Variants in HS6ST2 observed in about 807,000 individuals in gnomAD.
HS6ST2 encodes the protein heparan-sulfate 6-O-sulfotransferase 2.
In HS6ST2, 17 loss-of-function variants were observed where a neutral mutation model predicts 33.0. That is an observed-to-expected ratio of 0.52 (90% CI 0.35 to 0.77). HS6ST2 has a LOEUF of 0.77. HS6ST2 is among the 30% of genes least tolerant of loss of function. The pLI is 0.01. For missense variants in HS6ST2, 519 were observed against 551.7 expected (o/e 0.94, Z 0.59); for synonymous variants, 248 against 237.1 (o/e 1.05, Z -0.42).
chrX:132,828,099 G>A (rs2065542465), intron 2 of HS6ST2, among the ~76,000 whole-genome samples: 1 of 111,169 alleles, frequency 9.0e-6, no homozygotes, highest in African/African-American at 3.3e-5. Context: ...ACTTGCCATG[G>A]CAAAGTATTG....
At chrX:132,753,809 G>C (rs990037705) in intron 2 of HS6ST2, among the ~76,000 whole-genome samples, 11 of 111,643 alleles carry the variant, frequency 9.9e-5, no homozygotes, top group Non-Finnish European at 2.1e-4. Flanking sequence ...AAAATTTAAG[G>C]GGGCACCAAA....
At chrX:132,773,834 T>A (rs2064930452) in intron 2 of HS6ST2, among the ~76,000 whole-genome samples, 1 of 111,060 alleles carries the variant, frequency 9.0e-6, no homozygotes, top group Admixed American at 9.6e-5. Context: ...GAAAAGGAAA[T>A]GTGGAGTGCC....
At chrX:132,960,367 G>T (rs764828661), upstream of HS6ST2, among the ~76,000 whole-genome samples, 1 of 110,565 alleles carries the variant, frequency 9.0e-6, no homozygotes, top group Non-Finnish European at 1.9e-5. Flanking sequence ...TCATGGTGTC[G>T]CATAAAGATT....
intron 2 of HS6ST2, among the ~76,000 whole-genome samples, chrX:132,715,659 C>T (rs144158705): frequency 0.033 from 3,647 of 111,541 alleles, 91 homozygotes; most frequent in African/African-American, 0.086. Flanking sequence ...ACCCTGTGTC[C>T]ATCAGAGCCT....
At chrX:132,669,263 A>C (rs899607980) in intron 3 of HS6ST2, 64 bp from the exon 4 acceptor site, 76 of 994,274 alleles carry the variant, frequency 7.6e-5, no homozygotes, top group Non-Finnish European at 9.7e-6. Context: ...AAAAGCAATT[A>C]GTCACTTCAT....
At chrX:132,713,352 A>G (rs1034614145) in intron 2 of HS6ST2, among the ~76,000 whole-genome samples, 1 of 111,827 alleles carries the variant, frequency 8.9e-6, no homozygotes, top group African/African-American at 3.3e-5. Context: ...AGGAAGACCA[A>G]TCAGAGAATT....
intron 4 of HS6ST2, among the ~76,000 whole-genome samples, chrX:132,666,516 C>T (rs1053939341): frequency 4.5e-5 from 5 of 111,369 alleles, no homozygotes; most frequent in African/African-American, 1.6e-4. Flanking sequence ...CTCTTGGAGC[C>T]TCAATTTCCT....
chrX:132,851,962 A>T (rs1159747262), intron 2 of HS6ST2, among the ~76,000 whole-genome samples: 1 of 111,246 alleles, frequency 9.0e-6, no homozygotes, highest in East Asian at 2.8e-4. Flanking sequence ...GCAACACAGC[A>T]AGACCGTGTC....
chrX:132,727,237 G>T (rs1291490751), intron 2 of HS6ST2, among the ~76,000 whole-genome samples: 7 of 68,123 alleles, frequency 1.0e-4, no homozygotes, highest in Admixed American at 3.7e-4. Flanking sequence ...TAGCATTATT[G>T]GGGGGGGGGG....
chrX:132,878,937 A>C (rs1328994412), intron 2 of HS6ST2, among the ~76,000 whole-genome samples: 1 of 111,349 alleles, frequency 9.0e-6, no homozygotes, highest in Non-Finnish European at 1.9e-5. Context: ...GCAATATTTG[A>C]AAACCCCATT....
chrX:132,823,654 G>T (rs897007507), intron 2 of HS6ST2, among the ~76,000 whole-genome samples: 1 of 99,754 alleles, frequency 1.0e-5, no homozygotes, highest in Non-Finnish European at 2.0e-5. Context: ...TTGGGAGTTC[G>T]AGACCAGCCT....
intron 2 of HS6ST2, among the ~76,000 whole-genome samples, chrX:132,814,568 C>T (rs747810988): frequency 4.5e-5 from 5 of 111,568 alleles, no homozygotes; most frequent in Admixed American, 9.5e-5. Context: ...GGTTGGAGTG[C>T]AGTGGCACGA....
intron 3 of HS6ST2, among the ~76,000 whole-genome samples, chrX:132,687,739 G>A (rs760901375): frequency 3.4e-4 from 37 of 109,581 alleles, no homozygotes; most frequent in Non-Finnish European, 5.9e-4. Context: ...CCAAACAGAA[G>A]ACACTAGTCA....
chrX:132,847,417 G>A (rs983133758), intron 2 of HS6ST2, among the ~76,000 whole-genome samples: 16 of 111,294 alleles, frequency 1.4e-4, no homozygotes, highest in Admixed American at 4.8e-4. Flanking sequence ...CAAATGTCCT[G>A]GGGACGTTGT....
At chrX:132,809,331 G>C (rs951606442) in intron 2 of HS6ST2, among the ~76,000 whole-genome samples, 5 of 112,277 alleles carry the variant, frequency 4.5e-5, no homozygotes, top group African/African-American at 1.3e-4. Flanking sequence ...TGATTCTGAT[G>C]CAGATGGTTC....
intron 2 of HS6ST2, among the ~76,000 whole-genome samples, chrX:132,954,678 C>A (rs926825599): frequency 2.7e-5 from 3 of 111,841 alleles, no homozygotes; most frequent in African/African-American, 9.7e-5. Flanking sequence ...ATGCATTTCT[C>A]TAGCAAGTTT....
At chrX:132,784,304 C>T (rs1410342190) in intron 2 of HS6ST2, among the ~76,000 whole-genome samples, 3 of 110,694 alleles carry the variant, frequency 2.7e-5, no homozygotes, top group Non-Finnish European at 5.7e-5. Flanking sequence ...TCTCTTTTTG[C>T]TTGTTTGTTT....
rs898997109 is a variant in HS6ST2, at chrX:132,871,059, A to T, written c.947+85749T>A. Among the ~76,000 whole-genome samples, 3 of 111,915 alleles carry T rather than the reference A, an allele frequency of 2.7e-5. No homozygotes were observed. The Admixed American group carries it at 2.8e-4, about 11-fold the overall frequency. The stretch of plus-strand genomic sequence containing the variant: ...AAAGGGCCAATATCCAGAATCTACA[A>T]GGAACTTAAATTTACAAGAAAAAAA... On this transcript the variant is annotated intron_variant, in intron 2 of 4. Transcript: ENST00000370833.
At chrX:132,923,975 AG>A (rs1329314184) in intron 2 of HS6ST2, among the ~76,000 whole-genome samples, 1 of 112,537 alleles carries the variant, frequency 8.9e-6, no homozygotes, top group Non-Finnish European at 1.9e-5. Flanking sequence ...ATCCAATGCT[AG>A]CCCGCATATC....
Sources: gnomAD v4.1 joint callset for allele counts (sites outside exome capture counted in the v4.1 genomes callset) on GRCh38, gnomAD v4.1.1 for gene constraint, MANE v1.5 for transcripts, NCBI Gene and HGNC (gene_info 2026-07-23, HGNC 2026-07-21) for gene names.